Variants in TG observed in about 807,000 individuals in gnomAD.
TG encodes the protein thyroid hormones.
TG carries 270 observed loss-of-function variants against 324.7 expected under a neutral mutation model. That is an observed-to-expected ratio of 0.83 (90% CI 0.75 to 0.92). TG has a LOEUF of 0.92. Among genes scored for constraint, TG ranks in the 40% least tolerant of loss-of-function variants. TG has a pLI of 0.00. For synonymous variants in TG, 1,401 were observed against 1,327.0 expected (o/e 1.06, Z -1.21); for missense variants, 3,591 against 3,456.4 (o/e 1.04, Z -0.98).
At chr8:133,126,730 G>A (rs1279709936) in intron 45 of TG, among the ~76,000 whole-genome samples, 1 of 151,672 alleles carries the variant, frequency 6.6e-6, no homozygotes, top group East Asian at 1.9e-4. Context: ...TATTAGATTT[G>A]CCCAAAGAGA....
chr8:133,133,941 C>T (rs987138810), intron 47 of TG, among the ~76,000 whole-genome samples: 1 of 152,214 alleles, frequency 6.6e-6, no homozygotes, highest in East Asian at 1.9e-4. Flanking sequence ...GCTGAACCAA[C>T]ATCAGGGCTT....
chr8:133,096,306 T>C lies in TG; in HGVS notation c.7505T>C (p.Val2502Ala). 6.2e-7 allele frequency: 1 copy of C among 1,614,138 alleles called. No homozygotes were observed. Among genetic ancestry groups the C allele is most frequent in the Non-Finnish European group, 8.5e-7 (1 of 1,180,026 alleles). Residue 2502 changes from valine to alanine, a missense_variant, in exon 43 of 48, where the codon GTA becomes GCA. Val to Ala is a moderately conservative substitution (Grantham distance 64, BLOSUM62 0). Transcript: ENST00000220616. ...AGAGCACTGAAGAGGTCTTTATGGG[T>C]AGAGGTCGATCTGCTCATTGGGAGT... ...PARALKRSLW[V>A]EVDLLIGSSQ...
At chr8:133,069,789 T>C (rs919486268) in intron 41 of TG, among the ~76,000 whole-genome samples, 3 of 151,240 alleles carry the variant, frequency 2.0e-5, no homozygotes, top group African/African-American at 7.3e-5. Context: ...TCATTTGAGG[T>C]CAGGAGTTCA....
chr8:133,059,347 G>T (rs1842032474), intron 41 of TG, among the ~76,000 whole-genome samples: 1 of 152,178 alleles, frequency 6.6e-6, no homozygotes, highest in African/African-American at 2.4e-5. Context: ...TAAAGGTCAG[G>T]CCATTAGAAG....
intron 20 of TG, among the ~76,000 whole-genome samples, chr8:132,916,001 C>T (rs1316464890): frequency 6.6e-6 from 1 of 152,140 alleles, no homozygotes; most frequent in Non-Finnish European, 1.5e-5. Flanking sequence ...ATTCGTGTGG[C>T]CTTACTAACA....
intron 41 of TG, among the ~76,000 whole-genome samples, chr8:133,069,243 C>T (rs1278254381): frequency 6.6e-6 from 1 of 152,222 alleles, no homozygotes; most frequent in Non-Finnish European, 1.5e-5. Flanking sequence ...GCAAGAGTTA[C>T]TTTTCCTTTT....
chr8:132,983,380 C>T lies in TG; in HGVS notation c.6230C>T (p.Pro2077Leu), dbSNP rs1416338914. The T allele has an allele frequency of 6.2e-7, 1 of 1,613,964 alleles. No homozygotes were observed. The highest frequency in any genetic ancestry group is 8.5e-7 in the Non-Finnish European group (1 of 1,180,000). ...IAQNNAPSFC[P>L]LVVLPSLTEK... is the part of the protein sequence containing the mutation. ...CAAAATAATGCTCCCAGTTTTTGCCCTTTGGTTGTTCTGCCTTCCCTCACA... is the reference window on the plus strand; with the variant it reads ...CAAAATAATGCTCCCAGTTTTTGCCTTTTGGTTGTTCTGCCTTCCCTCACA... Residue 2077 changes from proline (P) to leucine (L), a missense_variant, in exon 35 of 48, where the codon CCT (proline) becomes CTT (leucine). Pro to Leu is a moderately conservative substitution (Grantham distance 98, BLOSUM62 -3). Transcript: ENST00000220616.
chr8:132,906,622 G>A (rs186112371), intron 16 of TG, 66 bp from the exon 17 acceptor site: 2 of 1,579,280 alleles, frequency 1.3e-6, no homozygotes, highest in Non-Finnish European at 8.7e-7. Flanking sequence ...ACACCCACAA[G>A]CAGGCATGCT....
chr8:132,886,318 A>T (rs1815412454), intron 8 of TG, 130 bp from the exon 9 acceptor site: 1 of 1,278,300 alleles, frequency 7.8e-7, no homozygotes, highest in Non-Finnish European at 1.1e-6. Context: ...ACAGAGAAGA[A>T]AGTGGTTTCA....
intron 10 of TG, 147 bp downstream of exon 10, chr8:132,888,715 G>C (rs926906524): frequency 1.9e-5 from 16 of 849,476 alleles, no homozygotes; most frequent in South Asian, 5.7e-5. Flanking sequence ...GAAAACGAAG[G>C]CTCACAGAGG....
chr8:133,096,096 A>G, intron 42 of TG, 110 bp from the exon 43 acceptor site: 1 of 1,355,124 alleles, frequency 7.4e-7, no homozygotes, highest in Non-Finnish European at 1.1e-6. Context: ...TTCTCAGTAG[A>G]GTCATAGATG....
intron 8 of TG, among the ~76,000 whole-genome samples, chr8:132,885,940 G>T (rs1157979183): frequency 6.6e-6 from 1 of 152,130 alleles, no homozygotes; most frequent in Non-Finnish European, 1.5e-5. Flanking sequence ...TCTTCCCTGT[G>T]TGCATCTTTG....
Position 132,972,739 on chromosome 8 carries a change from C to A in TG, c.6197C>A (p.Pro2066His). ...TATCCCTTCGGATGGTACCAGAAGC[C>A]CAGTAAGTACCCTTCTCATGACAGC... The part of the protein sequence containing the change: ...HTYPFGWYQK[P>H]IAQNNAPSFC... Residue 2066 changes from proline to histidine, a missense_variant and splice_region_variant, in exon 34 of 48, where the codon CCC becomes CAC. Transcript: ENST00000220616. 6.2e-7 allele frequency: 1 copy of A among 1,613,958 alleles called. No individual in the cohort carries two copies. The highest frequency in any genetic ancestry group is 1.1e-5 in the South Asian group (1 of 91,080).
At chr8:133,013,573 C>A (rs1283750106) in intron 36 of TG, 27 bp from the exon 37 acceptor site, 8 of 1,613,822 alleles carry the variant, frequency 5.0e-6, no homozygotes, top group African/African-American at 4.0e-5. Flanking sequence ...GAGGCCCAAG[C>A]ATCACTCTTC....
intron 43 of TG, among the ~76,000 whole-genome samples, chr8:133,106,934 A>G (rs1231972428): frequency 6.6e-6 from 1 of 152,218 alleles, no homozygotes; most frequent in Non-Finnish European, 1.5e-5. Context: ...ATGAACAGCA[A>G]GGGCCTGCAG....
At chr8:132,932,160 G>C (rs750428865) in intron 23 of TG, among the ~76,000 whole-genome samples, 5 of 151,980 alleles carry the variant, frequency 3.3e-5, no homozygotes, top group Non-Finnish European at 5.9e-5. Context: ...ACAGTTTCTG[G>C]GTAAAATGAC....
At chr8:133,099,828 C>T (rs1245499479) in intron 43 of TG, among the ~76,000 whole-genome samples, 1 of 152,222 alleles carries the variant, frequency 6.6e-6, no homozygotes, top group African/African-American at 2.4e-5. Context: ...ACCCTGCTCC[C>T]CTACCTCTTC....
rs774227997 is a variant in TG, at chr8:132,983,331, A to G, written c.6200-19A>G. On this transcript the variant is annotated intron_variant, in intron 34 of 47. Transcript: ENST00000220616. ...CATGGGGGTAGAAAAGAACTGAAAGACTGCTTTTTCCTTTTCAGTTGCTCA... is the reference window on the plus strand; with the variant it reads ...CATGGGGGTAGAAAAGAACTGAAAGGCTGCTTTTTCCTTTTCAGTTGCTCA... 2 of 1,613,720 alleles carry G rather than the reference A, an allele frequency of 1.2e-6. No individual in the cohort carries two copies. Among genetic ancestry groups the G allele is most frequent in the Non-Finnish European group, 1.7e-6 (2 of 1,179,668 alleles).
chr8:133,001,729 G>C, intron 35 of TG: 1 of 985,420 alleles, frequency 1.0e-6, no homozygotes, highest in African/African-American at 1.7e-5. Flanking sequence ...GGCCGTACAG[G>C]CCTCCAAGGC....
Sources: gnomAD v4.1 joint callset for allele counts (sites outside exome capture counted in the v4.1 genomes callset) on GRCh38, gnomAD v4.1.1 for gene constraint, MANE v1.5 for transcripts, NCBI Gene and HGNC (gene_info 2026-07-23, HGNC 2026-07-21) for gene names.